The following PIP5K1B variants were observed in gnomAD, a reference collection of about 807,000 sequenced individuals.
PIP5K1B encodes the protein phosphatidylinositol-4-phosphate 5-kinase type 1 beta.
In PIP5K1B, 42 loss-of-function variants were observed where a neutral mutation model predicts 67.0. That is an observed-to-expected ratio of 0.63 (90% CI 0.49 to 0.81). The LOEUF is 0.81. Ranked by LOEUF, PIP5K1B falls within the 30% of genes least tolerant of loss-of-function variation. The pLI, the probability that PIP5K1B is intolerant of heterozygous loss-of-function variation, is 0.00. For synonymous variants in PIP5K1B, 214 were observed against 231.4 expected (o/e 0.92, Z 0.68); for missense variants, 459 against 646.3 (o/e 0.71, Z 3.14).
chr9:68,879,512 G>C (rs963752949), intron 6 of PIP5K1B, among the ~76,000 whole-genome samples: 1 of 152,152 alleles, frequency 6.6e-6, no homozygotes, highest in African/African-American at 2.4e-5. Context: ...AGGTTGCAGT[G>C]AGCCAAGTTC....
At chr9:68,752,807 CTCTT>C (rs1193532149) in intron 2 of PIP5K1B, among the ~76,000 whole-genome samples, 3 of 152,138 alleles carry the variant, frequency 2.0e-5, no homozygotes, top group East Asian at 3.8e-4. Flanking sequence ...AATTTTAACT[CTCTT>C]TCTGCCATAT....
At chr9:68,807,061 C>T (rs1832911150) in intron 2 of PIP5K1B, among the ~76,000 whole-genome samples, 2 of 149,260 alleles carry the variant, frequency 1.3e-5, no homozygotes, top group Non-Finnish European at 1.5e-5. Context: ...AAAGTATTAA[C>T]TCTAATCCTG....
intron 2 of PIP5K1B, among the ~76,000 whole-genome samples, chr9:68,799,402 C>T (rs1832469092): frequency 6.6e-6 from 1 of 152,086 alleles, no homozygotes; most frequent in African/African-American, 2.4e-5. Context: ...AAATTAAATT[C>T]ATATGGAACC....
At chr9:68,780,147 C>T in intron 2 of PIP5K1B, 1 of 1,509,032 alleles carries the variant, frequency 6.6e-7, no homozygotes. Context: ...GCACCTCCCC[C>T]GCCTCCCTGC....
intron 4 of PIP5K1B, among the ~76,000 whole-genome samples, chr9:68,845,319 T>C (rs529093192): frequency 1.8e-4 from 28 of 152,322 alleles, no homozygotes; most frequent in African/African-American, 6.5e-4. Flanking sequence ...ACTTCTCTTT[T>C]TCTACCTTTG....
chr9:68,819,284 C>G (rs540900529), intron 3 of PIP5K1B, among the ~76,000 whole-genome samples: 2 of 152,194 alleles, frequency 1.3e-5, no homozygotes, highest in African/African-American at 4.8e-5. Context: ...GCTTTTGTTT[C>G]TCTTTTTGAG....
intron 14 of PIP5K1B, among the ~76,000 whole-genome samples, 158 bp from the exon 15 acceptor site, chr9:68,990,982 T>G (rs1830338528): frequency 6.6e-6 from 1 of 152,124 alleles, no homozygotes; most frequent in African/African-American, 2.4e-5. Context: ...CTCTTTAAAC[T>G]CAAGTGACCA....
intron 2 of PIP5K1B, chr9:68,782,492 A>G (rs927444607): frequency 1.8e-5 from 3 of 167,090 alleles, no homozygotes; most frequent in African/African-American, 4.8e-5. Context: ...ATGGCATACA[A>G]AGAGGAAAGG....
At chr9:68,836,977 A>T (rs1400926428) in intron 4 of PIP5K1B, among the ~76,000 whole-genome samples, 2 of 152,358 alleles carry the variant, frequency 1.3e-5, no homozygotes, top group Admixed American at 1.3e-4. Flanking sequence ...TTAAACCCAC[A>T]GTCTACTCCT....
At chr9:68,780,288 C>G in intron 2 of PIP5K1B, 1 of 1,590,896 alleles carries the variant, frequency 6.3e-7, no homozygotes, top group Non-Finnish European at 8.6e-7. Context: ...CCCCCTGATC[C>G]ACGGCCTCAG....
chr9:68,894,448 G>A lies in PIP5K1B; in HGVS notation c.581G>A (p.Arg194His), dbSNP rs372472625. The A allele has an allele frequency of 2.7e-5, 44 of 1,613,868 alleles. No individual in the cohort carries two copies. The highest frequency in any genetic ancestry group is 2.7e-5 in the Non-Finnish European group (32 of 1,179,932). Reference protein sequence around the residue: ...RIVVMNNVLPRSMRMHFTYDL... With the variant: ...RIVVMNNVLPHSMRMHFTYDL... ...GTGGTGATGAACAACGTTTTGCCAC[G>A]CTCCATGAGAATGCACTTTACATAT... The change falls in exon 8 of 16, where the codon CGC becomes CAC. Residue 194 changes from arginine to histidine, a missense_variant. Physicochemically the swap from Arg to His is conservative, Grantham distance 29. Transcript: ENST00000265382.
chr9:68,742,316 C>T (rs1274646670), intron 1 of PIP5K1B, 185 bp from the exon 2 acceptor site: 1 of 152,082 alleles, frequency 6.6e-6, no homozygotes, highest in East Asian at 1.9e-4. Context: ...AGTTGTGGAC[C>T]AGTCAGACAC....
chr9:68,793,183 A>C (rs1832094335), intron 2 of PIP5K1B, among the ~76,000 whole-genome samples: 2 of 102,564 alleles, frequency 1.9e-5, no homozygotes, highest in East Asian at 6.8e-4. Flanking sequence ...AAAAATAGTT[A>C]GAGGGGGGTT....
intron 2 of PIP5K1B, among the ~76,000 whole-genome samples, chr9:68,754,963 A>T (rs1472647454): frequency 6.6e-6 from 1 of 152,236 alleles, no homozygotes; most frequent in Admixed American, 6.5e-5. Context: ...AATGGCAACT[A>T]TATTTACCTG....
intron 14 of PIP5K1B, among the ~76,000 whole-genome samples, chr9:68,954,278 CT>C (rs1280406820): frequency 1.3e-5 from 2 of 152,254 alleles, no homozygotes; most frequent in South Asian, 2.1e-4. Context: ...CTTCTCCCCT[CT>C]TTATAGGTTT....
chr9:68,859,635 C>T (rs541941175), intron 4 of PIP5K1B, among the ~76,000 whole-genome samples: 39 of 152,256 alleles, frequency 2.6e-4, no homozygotes, highest in African/African-American at 8.2e-4. Flanking sequence ...AACCCACCAC[C>T]GTGTCACTGG....
At chr9:68,780,019 G>C (rs1831148083) in intron 2 of PIP5K1B, 2 of 1,085,252 alleles carry the variant, frequency 1.8e-6, no homozygotes, top group Admixed American at 7.4e-5. Flanking sequence ...CATCGCGAGC[G>C]CCTGCGCGAA....
At chr9:68,831,593 A>G (rs1834323760) in intron 4 of PIP5K1B, among the ~76,000 whole-genome samples, 2 of 152,228 alleles carry the variant, frequency 1.3e-5, no homozygotes, top group South Asian at 4.1e-4. Context: ...AGACATTAAA[A>G]CAGTGATTCT....
At chr9:68,750,827 A>AG (rs1280910799) in intron 2 of PIP5K1B, among the ~76,000 whole-genome samples, 1 of 152,176 alleles carries the variant, frequency 6.6e-6, no homozygotes, top group Non-Finnish European at 1.5e-5. Flanking sequence ...GTGATATTAG[A>AG]GGGGACAGTT....
Sources: allele counts gnomAD v4.1 joint callset (sites outside exome capture counted in the v4.1 genomes callset), GRCh38; gene constraint gnomAD v4.1.1; transcripts MANE v1.5; gene names NCBI Gene and HGNC (gene_info 2026-07-23, HGNC 2026-07-21).